SPEF2: variants seen among roughly 807,000 people sequenced by gnomAD.
The protein encoded by SPEF2 is sperm flagella and cilia-associated protein 2.
A neutral mutation model predicts 224.6 loss-of-function variants in SPEF2; 187 were observed. That is an observed-to-expected ratio of 0.83 (90% CI 0.74 to 0.94). The LOEUF is 0.94. SPEF2 is among the 40% of genes least tolerant of loss of function. The pLI is 0.00. For synonymous variants in SPEF2, 715 were observed against 707.3 expected, an observed-to-expected ratio of 1.01 and a Z score of -0.17; for missense variants, 2,170 against 2,135.6, an observed-to-expected ratio of 1.02 and a Z score of -0.32.
intron 30 of SPEF2, chr5:35,790,554 T>G (rs1755807146): frequency 2.3e-5 from 9 of 397,800 alleles, no homozygotes; most frequent in Admixed American, 1.7e-4. Flanking sequence ...CCAAGATTGT[T>G]TCTTCTATAG....
At chr5:35,801,333 T>C (rs974273460) in intron 34 of SPEF2, among the ~76,000 whole-genome samples, 5 of 152,100 alleles carry the variant, frequency 3.3e-5, no homozygotes, top group Admixed American at 1.3e-4. Context: ...CTGACCAATA[T>C]GGTGAAACCC....
chr5:35,735,382 G>T (rs1300384129), intron 21 of SPEF2, among the ~76,000 whole-genome samples: 1 of 152,226 alleles, frequency 6.6e-6, no homozygotes, highest in African/African-American at 2.4e-5. Context: ...GAAAGTTAGT[G>T]TGAATGTAGT....
rs540628203 is a variant in SPEF2, at chr5:35,628,336, T to C, written c.59-124T>C. The C allele has an allele frequency of 9.4e-4, 475 of 506,706 alleles. 3 individuals are homozygous for C. The highest frequency in any genetic ancestry group is 1.8e-3 in the Middle Eastern group (6 of 3,398). The allele number at this position is 506,706 out of a possible 1,614,324, so 31.4% of individuals were successfully genotyped here. On this transcript the variant is annotated intron_variant, in intron 1 of 36. Coordinates refer to ENST00000356031, the MANE Select transcript of SPEF2 (RefSeq NM_024867.4). ...TTATTAAAAGATGTTTCTAGAAATA[T>C]ATTCATGGCATTTTGAGTTCCAGTT...
intron 29 of SPEF2, among the ~76,000 whole-genome samples, chr5:35,776,984 C>T (rs1561348011): frequency 6.6e-6 from 1 of 152,076 alleles, no homozygotes; most frequent in Non-Finnish European, 1.5e-5. Flanking sequence ...TTGTCCAGAC[C>T]AGGAGCCCCA....
chr5:35,644,593 G>C, intron 4 of SPEF2, 68 bp downstream of exon 4: 1 of 1,238,988 alleles, frequency 8.1e-7, no homozygotes, highest in Non-Finnish European at 1.1e-6. Context: ...TATGCGTATA[G>C]TACACATTGC....
At chr5:35,739,779 G>T in intron 21 of SPEF2, 140 bp from the exon 22 acceptor site, 1 of 848,244 alleles carries the variant, frequency 1.2e-6, no homozygotes, top group South Asian at 1.8e-5. Context: ...GAGAGAAGAG[G>T]AGCAAGAAGT....
chr5:35,667,515 A>G (rs1750648094), intron 9 of SPEF2, among the ~76,000 whole-genome samples: 1 of 151,976 alleles, frequency 6.6e-6, no homozygotes, highest in Non-Finnish European at 1.5e-5. Context: ...AACTCATAGC[A>G]CTATAAAACT....
chr5:35,734,440 G>A (rs1746187339), intron 21 of SPEF2, among the ~76,000 whole-genome samples: 1 of 67,312 alleles, frequency 1.5e-5, no homozygotes, highest in Non-Finnish European at 3.5e-5. Flanking sequence ...AACACCAATG[G>A]TAGCTAAGGA....
intron 23 of SPEF2, among the ~76,000 whole-genome samples, chr5:35,751,080 C>CATATATATATACGTATATATAT (rs1274340281): frequency 2.3e-5 from 1 of 43,736 alleles, no homozygotes; most frequent in Non-Finnish European, 4.5e-5. Flanking sequence ...TATATATATA[C>CATATATATATACGTATATATAT]ACACACACAC....
chr5:35,642,914 G>A (rs1746800965), intron 3 of SPEF2, among the ~76,000 whole-genome samples: 1 of 152,088 alleles, frequency 6.6e-6, no homozygotes, highest in South Asian at 2.1e-4. Flanking sequence ...GTCTTAATAT[G>A]AATAATTTAT....
intron 27 of SPEF2, among the ~76,000 whole-genome samples, chr5:35,772,634 G>C (rs553459346): frequency 6.6e-6 from 1 of 152,070 alleles, no homozygotes; most frequent in Admixed American, 6.6e-5. Flanking sequence ...GGAAGGAGTG[G>C]GTCAGTGGCA....
chr5:35,680,242 C>T (rs1236041762), intron 10 of SPEF2, among the ~76,000 whole-genome samples: 1 of 152,178 alleles, frequency 6.6e-6, no homozygotes, highest in Non-Finnish European at 1.5e-5. Flanking sequence ...CTTAATTTAA[C>T]AGAGATGCAC....
At chr5:35,745,193 C>T (rs1748296053) in intron 23 of SPEF2, among the ~76,000 whole-genome samples, 1 of 152,198 alleles carries the variant, frequency 6.6e-6, no homozygotes, top group South Asian at 2.1e-4. Flanking sequence ...CCAAGCAGCC[C>T]ATTCCTGCTG....
chr5:35,741,248 C>A (rs750544680), intron 23 of SPEF2, among the ~76,000 whole-genome samples: 2 of 152,166 alleles, frequency 1.3e-5, no homozygotes, highest in Non-Finnish European at 2.9e-5. Context: ...GGGAAAAGAA[C>A]GTTGGATGTA....
At chr5:35,710,259 T>G in intron 19 of SPEF2, 1 of 984,720 alleles carries the variant, frequency 1.0e-6, no homozygotes, top group African/African-American at 1.7e-5. Flanking sequence ...AAATGCTTTT[T>G]AGAACTGGGG....
At chr5:35,717,664 C>T (rs923726980) in intron 20 of SPEF2, among the ~76,000 whole-genome samples, 8 of 152,000 alleles carry the variant, frequency 5.3e-5, no homozygotes, top group Non-Finnish European at 1.2e-4. Context: ...CTACTAGAGC[C>T]CTTCCTGCCT....
Position 35,709,031 on chromosome 5 carries a change from G to GC in SPEF2, c.2750dup (p.Pro918SerfsTer4). The GC allele has an allele frequency of 6.2e-7, 1 of 1,613,642 alleles. No individual in the cohort carries two copies. The highest frequency in any genetic ancestry group is 8.5e-7 in the Non-Finnish European group (1 of 1,179,760). On this transcript the variant is annotated frameshift_variant, in exon 19 of 37. Transcript: ENST00000356031. LOFTEE classifies it high-confidence loss of function. Reference sequence around the variant, plus strand: ...GCTTCCACTTCCTACACCTCCTCCTGCTCCTCCTCCTGAACCAGAAAAAGA... The same window carrying GC: ...GCTTCCACTTCCTACACCTCCTCCTGCCTCCTCCTCCTGAACCAGAAAAAGA...
At chr5:35,797,317 G>GGTGT (rs3219619) in intron 33 of SPEF2, among the ~76,000 whole-genome samples, 34 of 142,198 alleles carry the variant, frequency 2.4e-4, no homozygotes, top group African/African-American at 8.2e-4. Context: ...ATGGCTGACG[G>GGTGT]GTGTGTGTGT....
intron 21 of SPEF2, among the ~76,000 whole-genome samples, chr5:35,734,709 C>CTTTTTTTTTT (rs869188623): frequency 7.4e-4 from 23 of 31,164 alleles, no homozygotes; most frequent in African/African-American, 9.8e-4. Context: ...TCTTTTTTTT[C>CTTTTTTTTTT]TTTTTTTTTT....
Sources: gnomAD v4.1 joint callset for allele counts (sites outside exome capture counted in the v4.1 genomes callset) on GRCh38, gnomAD v4.1.1 for gene constraint, MANE v1.5 for transcripts, NCBI Gene and HGNC (gene_info 2026-07-23, HGNC 2026-07-21) for gene names.